The following PACSIN2 variants were observed in gnomAD, a reference collection of about 807,000 sequenced individuals.
The protein encoded by PACSIN2 is protein kinase C and casein kinase substrate in neurons 2, also known as protein kinase C and casein kinase substrate in neurons protein 2.
In PACSIN2, 25 loss-of-function variants were observed where a neutral mutation model predicts 63.8. That is an observed-to-expected ratio of 0.39 (90% CI 0.29 to 0.55). PACSIN2 has a LOEUF of 0.55. Among genes scored for constraint, PACSIN2 ranks in the 20% least tolerant of loss-of-function variants. The pLI, the probability that PACSIN2 is intolerant of heterozygous loss-of-function variation, is 0.62. For synonymous variants in PACSIN2, 255 were observed against 256.2 expected, an observed-to-expected ratio of 1.00 and a Z score of 0.05; for missense variants, 518 against 646.9, an observed-to-expected ratio of 0.80 and a Z score of 2.16.
intron 5 of PACSIN2, among the ~76,000 whole-genome samples, chr22:42,885,687 A>G (rs192948897): frequency 3.9e-5 from 6 of 152,122 alleles, no homozygotes; most frequent in Admixed American, 2.0e-4. Context: ...CCTCTTCTTG[A>G]AGCCTTCCCC....
intron 1 of PACSIN2, among the ~76,000 whole-genome samples, chr22:42,937,879 C>T (rs972609479): frequency 3.3e-5 from 5 of 152,198 alleles, no homozygotes; most frequent in African/African-American, 9.7e-5. Flanking sequence ...TCTCCTGGCT[C>T]GAGCAGTCTG....
At chr22:43,006,715 T>C (rs1382458354) in intron 1 of PACSIN2, among the ~76,000 whole-genome samples, 1 of 152,044 alleles carries the variant, frequency 6.6e-6, no homozygotes, top group East Asian at 1.9e-4. Context: ...CTTGGGAGGC[T>C]GAGGCAGGAG....
At chr22:42,877,614 T>G (rs867554314) in intron 8 of PACSIN2, among the ~76,000 whole-genome samples, 1 of 152,140 alleles carries the variant, frequency 6.6e-6, no homozygotes, top group South Asian at 2.1e-4. Context: ...AGAGGGAAAA[T>G]CCAGTCGTGC....
intron 1 of PACSIN2, among the ~76,000 whole-genome samples, chr22:42,949,341 C>T (rs1007764119): frequency 1.3e-5 from 2 of 152,154 alleles, no homozygotes; most frequent in Non-Finnish European, 2.9e-5. Flanking sequence ...ACTCCCACCC[C>T]ACACAGGGAG....
intron 2 of PACSIN2, chr22:42,909,414 AC>A (rs1931300116): frequency 9.7e-6 from 4 of 410,424 alleles, no homozygotes; most frequent in Middle Eastern, 3.9e-4. Context: ...GGAAAGAGGA[AC>A]TTGCTACCTG....
rs922151962 is a variant in PACSIN2, at chr22:42,886,872, C to T, written c.609+1771G>A. ...CCTGCCAGGCGCTTATGTCCAACCT[C>T]GAGCCCTGGGCCTGTTCTGCAAAAG... is the stretch of plus-strand genomic sequence containing the variant. On this transcript the variant is annotated intron_variant, in intron 5 of 10. Transcript: ENST00000263246. Among the ~76,000 whole-genome samples the T allele has an allele frequency of 1.1e-4, 17 of 152,236 alleles. No homozygotes were observed. In the East Asian group the frequency reaches 3.1e-3, roughly 28 times the overall value.
At position 42,871,475 on chromosome 22, in the gene PACSIN2, A is replaced by G; in HGVS notation, c.1349-6T>C. On this transcript the variant is annotated splice_polypyrimidine_tract_variant and splice_region_variant and intron_variant, in intron 10 of 10. Transcript: ENST00000263246. This position sits in a 1 kb window ranked among gnomAD's most constrained non-coding sequence, Gnocchi z 5.4. ...CATCTTGGTCAGCTCATCCCCTGCA[A>G]GACAAAGAGGGAGCCGTCTCCATGA... 2 of 1,605,342 alleles carry G rather than the reference A, an allele frequency of 1.2e-6. No homozygotes were observed. Among genetic ancestry groups the G allele is most frequent in the Non-Finnish European group, 1.7e-6 (2 of 1,171,910 alleles).
chr22:42,895,769 G>C (rs1930234107), intron 2 of PACSIN2, among the ~76,000 whole-genome samples: 1 of 152,256 alleles, frequency 6.6e-6, no homozygotes, highest in Non-Finnish European at 1.5e-5. Flanking sequence ...CTGGGGACAA[G>C]AGGCAAGTTG....
chr22:42,987,015 G>A (rs576287736), intron 1 of PACSIN2, among the ~76,000 whole-genome samples: 13 of 149,660 alleles, frequency 8.7e-5, no homozygotes, highest in Admixed American at 6.7e-4. Context: ...TCCCACTGAC[G>A]CCTTCCCTAA....
At chr22:42,919,006 A>ACTACAAC (rs1931989324) in intron 1 of PACSIN2, among the ~76,000 whole-genome samples, 1 of 152,192 alleles carries the variant, frequency 6.6e-6, no homozygotes, top group Non-Finnish European at 1.5e-5. Context: ...TCATTCTTCC[A>ACTACAAC]GGTTGAGCCG....
intron 1 of PACSIN2, among the ~76,000 whole-genome samples, chr22:42,950,220 G>A (rs1933620397): frequency 6.6e-6 from 1 of 151,894 alleles, no homozygotes; most frequent in Non-Finnish European, 1.5e-5. Flanking sequence ...ATCTAGAGAT[G>A]ATTTAAAGAA....
At chr22:42,984,167 T>C (rs1311189232) in intron 1 of PACSIN2, among the ~76,000 whole-genome samples, 1 of 151,952 alleles carries the variant, frequency 6.6e-6, no homozygotes. Context: ...AGACGGAGTT[T>C]CGCCATGTTG....
chr22:42,963,354 A>G (rs952900171), intron 1 of PACSIN2, among the ~76,000 whole-genome samples: 4 of 152,212 alleles, frequency 2.6e-5, no homozygotes, highest in African/African-American at 7.2e-5. Flanking sequence ...CAAGTTAACT[A>G]AAGACCAGCA....
chr22:42,942,508 G>A (rs1015865392), intron 1 of PACSIN2, among the ~76,000 whole-genome samples: 12 of 151,626 alleles, frequency 7.9e-5, no homozygotes, highest in Non-Finnish European at 4.4e-5. Flanking sequence ...TTTTTTAAAC[G>A]TTTTTTTAAT....
intron 1 of PACSIN2, among the ~76,000 whole-genome samples, chr22:42,971,911 C>T (rs1366508344): frequency 1.0e-4 from 10 of 97,782 alleles, no homozygotes; most frequent in African/African-American, 2.2e-4. Context: ...TCCACCCGGC[C>T]GCCGCCCCGT....
intron 8 of PACSIN2, among the ~76,000 whole-genome samples, chr22:42,877,899 A>C (rs1928765901): frequency 6.6e-6 from 1 of 152,144 alleles, no homozygotes; most frequent in African/African-American, 2.4e-5. Flanking sequence ...CAGCCTGAGC[A>C]CCCACCACCC....
rs1315762046 is a variant in PACSIN2 at position 42,987,479 on chromosome 22, C to CAA, written c.-78+27541_-78+27542insTT. 8.4e-4 allele frequency among the ~76,000 whole-genome samples: 103 copies of CAA among 123,282 alleles called. 1 individual carries two copies. The highest frequency in any genetic ancestry group is 1.7e-3 in the Non-Finnish European group (95 of 56,994). 80.9% of individuals were successfully genotyped at this position (123,282 alleles called of 152,430 possible). A position where few individuals can be genotyped will look rare whatever the true frequency, so the allele number is the denominator to read the frequency against. On this transcript the variant is annotated intron_variant, in intron 1 of 10. Coordinates refer to ENST00000263246, the MANE Select transcript of PACSIN2 (RefSeq NM_001184970.3). ...ACACACACACACACACACACACACA[C>CAA]ACACACACACACACCCATGGCACCA...
chr22:42,954,592 CTA>C (rs1361338804), intron 1 of PACSIN2, among the ~76,000 whole-genome samples: 1 of 152,134 alleles, frequency 6.6e-6, no homozygotes, highest in Non-Finnish European at 1.5e-5. Context: ...AGAGGACTCA[CTA>C]TGTTGTCCAG....
At chr22:42,886,827 C>T (rs1929525315) in intron 5 of PACSIN2, among the ~76,000 whole-genome samples, 1 of 152,124 alleles carries the variant, frequency 6.6e-6, no homozygotes. Context: ...AGGGAACCCA[C>T]TACAAACTGT....
Sources: allele counts gnomAD v4.1 joint callset (sites outside exome capture counted in the v4.1 genomes callset), GRCh38; gene constraint gnomAD v4.1.1; non-coding constraint Gnocchi (gnomAD v3.1); transcripts MANE v1.5; gene names NCBI Gene and HGNC (gene_info 2026-07-23, HGNC 2026-07-21).